The following FRYL variants were observed in gnomAD, a reference collection of about 807,000 sequenced individuals.
The protein encoded by FRYL is protein furry homolog-like.
FRYL carries 150 observed loss-of-function variants against 351.2 expected under a neutral mutation model. The observed-to-expected ratio is 0.43, with a 90% confidence interval of 0.37 to 0.49. The LOEUF is 0.49. Among genes scored for constraint, FRYL ranks in the 20% least tolerant of loss-of-function variants. FRYL has a pLI of 0.00. For missense variants in FRYL, 3,036 were observed against 3,619.3 expected (o/e 0.84, Z 4.13); for synonymous variants, 1,153 against 1,257.1 (o/e 0.92, Z 1.75).
At chr4:48,667,256 G>T (rs188942456) in intron 3 of FRYL, among the ~76,000 whole-genome samples, 1 of 152,132 alleles carries the variant, frequency 6.6e-6, no homozygotes, top group Admixed American at 6.6e-5. Flanking sequence ...CTGAGGACAG[G>T]TCATTGAAGA....
chr4:48,532,076 C>G (rs996719089), intron 49 of FRYL, among the ~76,000 whole-genome samples: 1 of 152,124 alleles, frequency 6.6e-6, no homozygotes, highest in African/African-American at 2.4e-5. Context: ...TAATATCTTT[C>G]TTTTACCACC....
At chr4:48,602,806 A>T (rs867700377) in intron 12 of FRYL, among the ~76,000 whole-genome samples, 1 of 152,164 alleles carries the variant, frequency 6.6e-6, no homozygotes, top group South Asian at 2.1e-4. Context: ...TGATCCCCTG[A>T]GGTTACAACA....
chr4:48,535,022 A>T (rs1023761227), intron 48 of FRYL, among the ~76,000 whole-genome samples: 14 of 152,156 alleles, frequency 9.2e-5, no homozygotes, highest in African/African-American at 3.4e-4. Context: ...CTATCTACTT[A>T]GTAATTTACT....
At chr4:48,658,994 G>A (rs1049409629) in intron 3 of FRYL, among the ~76,000 whole-genome samples, 34 of 151,794 alleles carry the variant, frequency 2.2e-4, no homozygotes, top group African/African-American at 5.3e-4. Flanking sequence ...ATTTACTTAC[G>A]CCTTCCTATA....
intron 4 of FRYL, among the ~76,000 whole-genome samples, chr4:48,629,561 CA>C (rs1319706030): frequency 6.6e-6 from 1 of 152,138 alleles, no homozygotes; most frequent in African/African-American, 2.4e-5. Flanking sequence ...AAACGGAAAA[CA>C]ACTCGCTCTC....
chr4:48,705,529 T>C (rs1020264141), intron 2 of FRYL, among the ~76,000 whole-genome samples: 10 of 146,614 alleles, frequency 6.8e-5, no homozygotes, highest in African/African-American at 2.0e-4. Context: ...AGGAGACATA[T>C]GAATATATAG....
intron 4 of FRYL, among the ~76,000 whole-genome samples, chr4:48,624,550 A>G (rs1248146625): frequency 6.6e-6 from 1 of 152,206 alleles, no homozygotes; most frequent in Non-Finnish European, 1.5e-5. Context: ...CCCCCAGTAG[A>G]AAACAGGAGA....
chr4:48,557,154 G>A, intron 34 of FRYL, 36 bp from the exon 35 acceptor site: 1 of 1,549,736 alleles, frequency 6.5e-7, no homozygotes, highest in Non-Finnish European at 8.8e-7. Context: ...CTTCAGTCAT[G>A]ACTGCCTATT....
chr4:48,636,832 C>T (rs1754324275), intron 3 of FRYL: 3 of 151,900 alleles, frequency 2.0e-5, no homozygotes, highest in Non-Finnish European at 4.4e-5. Context: ...TAACAATGAA[C>T]AGATCTACTG....
chr4:48,556,539 G>A (rs1029918163), intron 35 of FRYL, among the ~76,000 whole-genome samples: 6 of 152,168 alleles, frequency 3.9e-5, no homozygotes, highest in Non-Finnish European at 5.9e-5. Flanking sequence ...CTGCCTAGCA[G>A]AAACTAGAAA....
intron 42 of FRYL, among the ~76,000 whole-genome samples, chr4:48,545,745 G>T (rs1344207710): frequency 6.6e-6 from 1 of 152,058 alleles, no homozygotes; most frequent in African/African-American, 2.4e-5. Flanking sequence ...TCTACTTATT[G>T]TGTCTTGCAA....
intron 58 of FRYL, among the ~76,000 whole-genome samples, chr4:48,510,625 A>G (rs974272299): frequency 2.6e-5 from 4 of 152,174 alleles, no homozygotes; most frequent in African/African-American, 7.2e-5. Flanking sequence ...AGGACTCTGT[A>G]GAGGGTAAGG....
intron 50 of FRYL, among the ~76,000 whole-genome samples, chr4:48,529,207 C>G (rs544910128): frequency 8.5e-5 from 13 of 152,284 alleles, no homozygotes; most frequent in African/African-American, 1.2e-4. Context: ...AGGAGGCCTT[C>G]TGTTCTACCA....
chr4:48,646,383 T>TTAATCATTTAGC (rs1756474762), intron 3 of FRYL, among the ~76,000 whole-genome samples: 1 of 152,186 alleles, frequency 6.6e-6, no homozygotes, highest in Non-Finnish European at 1.5e-5. Context: ...TAAAAACCCT[T>TTAATCATTTAGC]AAAACTTTAA....
chr4:48,587,779 A>C (rs1742443972), intron 18 of FRYL, among the ~76,000 whole-genome samples: 1 of 152,140 alleles, frequency 6.6e-6, no homozygotes, highest in Non-Finnish European at 1.5e-5. Context: ...TCCTGACCTC[A>C]GGTGATACAT....
At chr4:48,610,250 CA>C in intron 7 of FRYL, among the ~76,000 whole-genome samples, 1 of 152,176 alleles carries the variant, frequency 6.6e-6, no homozygotes, top group Middle Eastern at 3.4e-3. Context: ...TCTTTTCTAA[CA>C]ATCTTAAACT....
chr4:48,712,393 G>A (rs1371454094), intron 1 of FRYL, among the ~76,000 whole-genome samples: 3 of 152,162 alleles, frequency 2.0e-5, no homozygotes, highest in Admixed American at 1.3e-4. Context: ...GGAGCTGAAA[G>A]CCAAGGCTCG....
intron 24 of FRYL, 60 bp from the exon 25 acceptor site, chr4:48,575,301 T>A (rs1739369316): frequency 3.2e-6 from 5 of 1,544,084 alleles, no homozygotes; most frequent in Non-Finnish European, 4.5e-6. Flanking sequence ...AATTAGATAA[T>A]CTGAGATTTC....
chr4:48,723,064 G>A (rs1374937637), intron 1 of FRYL, among the ~76,000 whole-genome samples: 1 of 151,852 alleles, frequency 6.6e-6, no homozygotes, highest in Non-Finnish European at 1.5e-5. Flanking sequence ...GACATCTAAA[G>A]GACCTCAAAC....
Sources: allele counts gnomAD v4.1 joint callset (sites outside exome capture counted in the v4.1 genomes callset), GRCh38; gene constraint gnomAD v4.1.1; transcripts MANE v1.5; gene names NCBI Gene and HGNC (gene_info 2026-07-23, HGNC 2026-07-21).